The following SIPA1L3 variants were observed in gnomAD, a reference collection of about 807,000 sequenced individuals.
The protein encoded by SIPA1L3 is signal-induced proliferation-associated 1-like protein 3.
SIPA1L3 carries 59 observed loss-of-function variants against 150.1 expected under a neutral mutation model. The observed-to-expected ratio is 0.39, with a 90% confidence interval of 0.32 to 0.49. The LOEUF (loss-of-function observed/expected upper bound fraction) is 0.49. Ranked by LOEUF, SIPA1L3 falls within the 20% of genes least tolerant of loss-of-function variation. The probability of loss-of-function intolerance (pLI) is 0.86; values close to 1 mark genes in which losing one functional copy is unlikely to be tolerated. For synonymous variants in SIPA1L3, 1,070 were observed against 1,077.6 expected, an observed-to-expected ratio of 0.99 and a Z score of 0.14; for missense variants, 2,211 against 2,489.5, an observed-to-expected ratio of 0.89 and a Z score of 2.38.
intron 2 of SIPA1L3, among the ~76,000 whole-genome samples, chr19:38,030,623 AATATATATATATAT>A (rs757828313): frequency 2.3e-5 from 1 of 42,630 alleles, no homozygotes; most frequent in African/African-American, 5.9e-5. Flanking sequence ...ATATGTGGCA[AATATATATATATAT>A]ATATATATAT....
chr19:38,181,802 C>T (rs1210015415), intron 15 of SIPA1L3, among the ~76,000 whole-genome samples: 1 of 148,912 alleles, frequency 6.7e-6, no homozygotes, highest in Non-Finnish European at 1.5e-5. Context: ...GCTGAGATTG[C>T]ACCACTGCAC....
intron 1 of SIPA1L3, among the ~76,000 whole-genome samples, chr19:37,952,716 A>G (rs2046775710): frequency 6.6e-6 from 1 of 152,216 alleles, no homozygotes; most frequent in South Asian, 2.1e-4. Context: ...ATTCTCCAGA[A>G]ATGATTTGTA....
At chr19:38,115,948 G>A (rs1037969498) in intron 8 of SIPA1L3, among the ~76,000 whole-genome samples, 4 of 152,166 alleles carry the variant, frequency 2.6e-5, no homozygotes, top group African/African-American at 9.7e-5. Flanking sequence ...CAAACAAATG[G>A]ATGAGTGTCG....
chr19:38,110,636 T>A (rs1459259207), intron 8 of SIPA1L3, among the ~76,000 whole-genome samples: 1 of 152,234 alleles, frequency 6.6e-6, no homozygotes, highest in Non-Finnish European at 1.5e-5. Flanking sequence ...AGAAAACCCA[T>A]GTCAATGTGG....
chr19:38,195,521 C>T (rs1227177502), intron 18 of SIPA1L3, among the ~76,000 whole-genome samples: 1 of 152,168 alleles, frequency 6.6e-6, no homozygotes, highest in East Asian at 1.9e-4. Flanking sequence ...CTTCCCTCCA[C>T]GTCTCCTTCC....
At chr19:37,948,832 G>A (rs1025844395) in intron 1 of SIPA1L3, among the ~76,000 whole-genome samples, 22 of 152,200 alleles carry the variant, frequency 1.4e-4, no homozygotes, top group African/African-American at 5.1e-4. Flanking sequence ...TAAAGAGGTT[G>A]CCTTTGAGTC....
At chr19:37,914,950 GA>G (rs1411012816) in intron 1 of SIPA1L3, among the ~76,000 whole-genome samples, 1 of 152,166 alleles carries the variant, frequency 6.6e-6, no homozygotes, top group Non-Finnish European at 1.5e-5. Context: ...TCATTTTACA[GA>G]TGAGGAAACT....
intron 13 of SIPA1L3, among the ~76,000 whole-genome samples, chr19:38,160,038 G>A (rs924667057): frequency 6.6e-6 from 1 of 152,126 alleles, no homozygotes; most frequent in African/African-American, 2.4e-5. Context: ...TTGAGACGGA[G>A]TATTGCTCTG....
Position 38,141,240 on chromosome 19 carries a change from G to A in SIPA1L3, c.3200G>A (p.Ser1067Asn), listed in dbSNP as rs1971573787. The A allele has an allele frequency of 2.5e-6, 4 of 1,613,530 alleles. No homozygotes were observed. The highest frequency in any genetic ancestry group is 1.3e-5 in the African/African-American group (1 of 74,940). Residue 1067 changes from serine to asparagine, a missense_variant, in exon 11 of 22, where the codon AGC (serine) becomes AAC (asparagine). Ser to Asn is a conservative substitution (Grantham distance 46). Around this residue, in one of 5 missense-constraint regions of SIPA1L3, gnomAD observed 625 missense variants for 804.2 expected, o/e 0.78. Transcript: ENST00000222345. ...NTSEPKTEQE[S>N]ITPGGRPPYR... is the part of the protein sequence containing the mutation. ...TCGGAGCCCAAGACGGAGCAGGAAA[G>A]CATCACTCCTGGGGGCCGGCCCCCC...
intron 10 of SIPA1L3, among the ~76,000 whole-genome samples, chr19:38,140,966 G>A (rs1032980916): frequency 1.4e-5 from 2 of 147,390 alleles, no homozygotes; most frequent in African/African-American, 2.5e-5. Context: ...GCTGAGGCAC[G>A]AGAATCGCTT....
chr19:37,998,144 A>G (rs1056821210), intron 1 of SIPA1L3, among the ~76,000 whole-genome samples: 2 of 152,208 alleles, frequency 1.3e-5, no homozygotes, highest in African/African-American at 4.8e-5. Context: ...ACATCAGTAA[A>G]TATTCTTTTG....
intron 1 of SIPA1L3, among the ~76,000 whole-genome samples, chr19:37,928,762 T>G (rs1337237046): frequency 6.6e-6 from 1 of 152,108 alleles, no homozygotes; most frequent in African/African-American, 2.4e-5. Flanking sequence ...TGAGCTACTG[T>G]AATAGGAAGC....
At chr19:37,999,235 G>A (rs1357274142) in intron 1 of SIPA1L3, among the ~76,000 whole-genome samples, 1 of 152,172 alleles carries the variant, frequency 6.6e-6, no homozygotes, top group Non-Finnish European at 1.5e-5. Flanking sequence ...TTCCTGCTGA[G>A]GAGGAGGAGA....
chr19:38,194,826 G>A (rs1389174978), intron 18 of SIPA1L3, among the ~76,000 whole-genome samples: 5 of 152,196 alleles, frequency 3.3e-5, no homozygotes, highest in Non-Finnish European at 7.4e-5. Flanking sequence ...CGAGGCGGGT[G>A]GATCACCTGA....
At chr19:38,124,908 A>C (rs1011140203) in intron 9 of SIPA1L3, among the ~76,000 whole-genome samples, 2 of 152,026 alleles carry the variant, frequency 1.3e-5, no homozygotes, top group African/African-American at 2.4e-5. Context: ...AGGCTGAGGC[A>C]GGAGAATCAG....
At chr19:38,148,800 T>G (rs1971757094) in intron 12 of SIPA1L3, among the ~76,000 whole-genome samples, 2 of 152,188 alleles carry the variant, frequency 1.3e-5, no homozygotes, top group African/African-American at 4.8e-5. Flanking sequence ...CCTGGAGACA[T>G]CTGAAACCAT....
chr19:37,949,794 A>G (rs1397659509), intron 1 of SIPA1L3, among the ~76,000 whole-genome samples: 2 of 152,058 alleles, frequency 1.3e-5, no homozygotes, highest in East Asian at 3.9e-4. Flanking sequence ...ACATGGCCAC[A>G]TTGGCCGGGT....
At chr19:38,057,706 G>A (rs918255844) in intron 2 of SIPA1L3, among the ~76,000 whole-genome samples, 1 of 151,824 alleles carries the variant, frequency 6.6e-6, no homozygotes, top group Non-Finnish European at 1.5e-5. Context: ...GAGTGCAGTG[G>A]CGCAATCTTG....
intron 1 of SIPA1L3, among the ~76,000 whole-genome samples, chr19:37,973,558 GGA>G (rs1966996049): frequency 7.2e-6 from 1 of 139,238 alleles, no homozygotes; most frequent in Admixed American, 7.0e-5. Context: ...AAAAAAAGCG[GGA>G]GGGGGGCGCA....
Sources: gnomAD v4.1 joint callset for allele counts (sites outside exome capture counted in the v4.1 genomes callset) on GRCh38, gnomAD v4.1.1 for gene constraint, gnomAD v4.1.1 regional missense constraint, MANE v1.5 for transcripts, NCBI Gene and HGNC (gene_info 2026-07-23, HGNC 2026-07-21) for gene names.